TPRG1: variants seen among roughly 807,000 people sequenced by gnomAD.
The protein encoded by TPRG1 is tumor protein p63 regulated 1.
TPRG1 carries 29 observed loss-of-function variants against 29.3 expected under a neutral mutation model. The observed-to-expected ratio is 0.99, with a 90% CI of 0.74 to 1.35. The LOEUF is 1.35. Ranked by LOEUF, TPRG1 falls within the 40% of genes most tolerant of loss-of-function variation. The pLI is 0.00. For synonymous variants in TPRG1, 130 were observed against 116.8 expected (o/e 1.11, Z -0.73); for missense variants, 327 against 335.0 (o/e 0.98, Z 0.19).
chr3:189,288,769 G>C (rs964448497), intron 4 of TPRG1, among the ~76,000 whole-genome samples: 1 of 152,178 alleles, frequency 6.6e-6, no homozygotes, highest in Non-Finnish European at 1.5e-5. Flanking sequence ...ACCTTTGTAA[G>C]GGCAGCTTGC....
chr3:189,323,928 T>C lies in TPRG1; in HGVS notation c.*3108T>C, dbSNP rs185352566. 2.6e-5 allele frequency: 4 copies of C among 152,250 alleles called. No individual in the cohort carries two copies. 9.4% of individuals were successfully genotyped at this position (152,250 alleles called of 1,614,324 possible). ...TTGAACAGCTCCACTGACAAATGCCTCACTATCTTCTGATACATCGTAGGC... is the reference window on the plus strand; with the variant it reads ...TTGAACAGCTCCACTGACAAATGCCCCACTATCTTCTGATACATCGTAGGC... On this transcript the variant is annotated 3_prime_UTR_variant, in exon 6 of 6. Transcript: ENST00000345063.
chr3:189,103,211 G>A (rs1239462261), intron 1 of TPRG1, among the ~76,000 whole-genome samples: 4 of 152,156 alleles, frequency 2.6e-5, no homozygotes, highest in African/African-American at 9.7e-5. Flanking sequence ...ACAGAAGCAT[G>A]CCCATTCAGT....
intron 4 of TPRG1, among the ~76,000 whole-genome samples, chr3:189,033,062 T>A (rs1714027327): frequency 6.6e-6 from 1 of 152,084 alleles, no homozygotes; most frequent in East Asian, 1.9e-4. Context: ...AGATAATGTC[T>A]CTTTAGGAAA....
At chr3:189,092,025 T>C (rs1299576629) in intron 4 of TPRG1, among the ~76,000 whole-genome samples, 2 of 152,222 alleles carry the variant, frequency 1.3e-5, no homozygotes, top group Non-Finnish European at 2.9e-5. Flanking sequence ...TGTCCTCCTT[T>C]ATTTTCTCCT....
At chr3:189,010,229 G>C (rs745614211) in intron 3 of TPRG1, among the ~76,000 whole-genome samples, 1 of 151,940 alleles carries the variant, frequency 6.6e-6, no homozygotes, top group African/African-American at 2.4e-5. Flanking sequence ...TGTCTTTGCT[G>C]TTGTGAATAG....
At chr3:189,313,450 G>A (rs1345766139) in intron 5 of TPRG1, among the ~76,000 whole-genome samples, 3 of 152,060 alleles carry the variant, frequency 2.0e-5, no homozygotes, top group Non-Finnish European at 4.4e-5. Context: ...GTAGAATATG[G>A]GGAAAATGCA....
chr3:189,263,079 G>C (rs1713418586), intron 4 of TPRG1, among the ~76,000 whole-genome samples: 1 of 152,232 alleles, frequency 6.6e-6, no homozygotes, highest in South Asian at 2.1e-4. Context: ...CTGTGTCATA[G>C]ATGCAAGTCA....
intron 1 of TPRG1, among the ~76,000 whole-genome samples, chr3:189,192,622 C>T (rs1355425762): frequency 6.6e-6 from 1 of 152,152 alleles, no homozygotes; most frequent in Non-Finnish European, 1.5e-5. Flanking sequence ...AGAATTTACT[C>T]CTGTCATTCT....
chr3:189,151,471 G>A (rs1484739890), intron 5 of TPRG1, among the ~76,000 whole-genome samples: 3 of 152,012 alleles, frequency 2.0e-5, no homozygotes, highest in African/African-American at 4.8e-5. Flanking sequence ...GTATTACTTT[G>A]TGCTTAATTA....
chr3:189,310,615 T>TAAACG, intron 5 of TPRG1, 76 bp downstream of exon 5: 1 of 771,620 alleles, frequency 1.3e-6, no homozygotes, highest in Non-Finnish European at 1.9e-6. Context: ...CGTGTACTCC[T>TAAACG]AAACAAAACA....
chr3:189,219,899 C>G (rs1354493595), intron 3 of TPRG1: 3 of 356,364 alleles, frequency 8.4e-6, no homozygotes, highest in Non-Finnish European at 1.2e-5. Flanking sequence ...TGGTGTCTAT[C>G]CCAGGGCTTC....
chr3:189,250,495 C>G (rs55955372), intron 4 of TPRG1, among the ~76,000 whole-genome samples: 1 of 55,702 alleles, frequency 1.8e-5, no homozygotes, highest in Non-Finnish European at 3.7e-5. Flanking sequence ...TTAACAAGTT[C>G]TGATTTCCGC....
chr3:189,304,885 C>G (rs1183376009), intron 4 of TPRG1, among the ~76,000 whole-genome samples: 1 of 152,170 alleles, frequency 6.6e-6, no homozygotes, highest in African/African-American at 2.4e-5. Context: ...CCGCCCGCCT[C>G]CTCCCACTCA....
At chr3:189,062,810 A>G (rs1395866816) in intron 4 of TPRG1, among the ~76,000 whole-genome samples, 1 of 152,130 alleles carries the variant, frequency 6.6e-6, no homozygotes, top group Non-Finnish European at 1.5e-5. Context: ...TAGAATAATA[A>G]GAAATTTTCA....
intron 1 of TPRG1, among the ~76,000 whole-genome samples, chr3:189,100,500 TCTAA>T (rs2152189327): frequency 6.6e-6 from 1 of 152,294 alleles, no homozygotes; most frequent in Non-Finnish European, 1.5e-5. Flanking sequence ...AGTATATGTC[TCTAA>T]CTGTCACATA....
intron 3 of TPRG1, among the ~76,000 whole-genome samples, chr3:189,133,385 A>G (rs1310369996): frequency 1.3e-5 from 2 of 152,164 alleles, no homozygotes; most frequent in East Asian, 3.9e-4. Flanking sequence ...CAGGAAAGAA[A>G]TTAATTTTGG....
intron 4 of TPRG1, among the ~76,000 whole-genome samples, chr3:189,277,304 A>AT: frequency 6.6e-6 from 1 of 152,310 alleles, no homozygotes; most frequent in East Asian, 1.9e-4. Flanking sequence ...AAACACACAC[A>AT]TACGCACACA....
chr3:189,245,524 A>T (rs1433383391), intron 4 of TPRG1, among the ~76,000 whole-genome samples: 1 of 152,034 alleles, frequency 6.6e-6, no homozygotes, highest in Non-Finnish European at 1.5e-5. Flanking sequence ...TAGATATCTT[A>T]ATTATACTTA....
At chr3:189,285,912 A>G (rs1481033916) in intron 4 of TPRG1, among the ~76,000 whole-genome samples, 1 of 152,004 alleles carries the variant, frequency 6.6e-6, no homozygotes, top group Non-Finnish European at 1.5e-5. Context: ...TATTTCACTT[A>G]TATCAGTTTG....
Sources: gnomAD v4.1 joint callset for allele counts (sites outside exome capture counted in the v4.1 genomes callset) on GRCh38, gnomAD v4.1.1 for gene constraint, MANE v1.5 for transcripts, NCBI Gene and HGNC (gene_info 2026-07-23, HGNC 2026-07-21) for gene names.